Variants in PRKG1 observed in about 807,000 individuals in gnomAD.
PRKG1 encodes cGMP-dependent protein kinase 1.
Under a neutral mutation model 88.1 loss-of-function variants are expected in PRKG1, and 35 were observed. The observed-to-expected ratio is 0.40, with a 90% CI of 0.30 to 0.53. The LOEUF is 0.53. Ranked by LOEUF, PRKG1 falls within the 20% of genes least tolerant of loss-of-function variation. The pLI, the probability that PRKG1 is intolerant of heterozygous loss-of-function variation, is 0.59. For missense variants in PRKG1, 540 were observed against 839.8 expected (o/e 0.64, Z 4.41); for synonymous variants, 303 against 292.5 (o/e 1.04, Z -0.37).
At chr10:51,411,942 A>G (rs1396724492) in intron 2 of PRKG1, among the ~76,000 whole-genome samples, 1 of 152,134 alleles carries the variant, frequency 6.6e-6, no homozygotes, top group East Asian at 1.9e-4. Context: ...AAATAAAACC[A>G]TAGCATGAGG....
chr10:51,891,770 C>G (rs1026209543), intron 4 of PRKG1, among the ~76,000 whole-genome samples: 2 of 152,148 alleles, frequency 1.3e-5, no homozygotes, highest in Non-Finnish European at 2.9e-5. Flanking sequence ...GATAATACAC[C>G]AGCAAGCATG....
At chr10:51,442,504 A>C (rs959265353) in intron 2 of PRKG1, among the ~76,000 whole-genome samples, 1 of 152,038 alleles carries the variant, frequency 6.6e-6, no homozygotes, top group African/African-American at 2.4e-5. Flanking sequence ...GTTCTTATAC[A>C]ACAAATGTGA....
At chr10:51,042,478 A>G (rs549652686) in intron 1 of PRKG1, among the ~76,000 whole-genome samples, 32 of 152,314 alleles carry the variant, frequency 2.1e-4, no homozygotes, top group African/African-American at 7.5e-4. Flanking sequence ...ATTTCTCTGA[A>G]TGAGCCATAC....
intron 12 of PRKG1, among the ~76,000 whole-genome samples, chr10:52,274,252 G>A (rs1841810062): frequency 6.6e-6 from 1 of 152,122 alleles, no homozygotes; most frequent in Non-Finnish European, 1.5e-5. Context: ...CACCATATTT[G>A]TAGTCTTCTA....
chr10:51,450,796 G>T (rs1449553812), intron 2 of PRKG1, among the ~76,000 whole-genome samples: 1 of 151,544 alleles, frequency 6.6e-6, no homozygotes, highest in East Asian at 1.9e-4. Flanking sequence ...TGTAGAGAAG[G>T]AAGGCTGGAA....
chr10:51,794,558 A>G (rs1035830341), intron 3 of PRKG1, among the ~76,000 whole-genome samples: 1 of 152,104 alleles, frequency 6.6e-6, no homozygotes, highest in Admixed American at 6.6e-5. Context: ...TTATTAATAT[A>G]TTGTATATAT....
chr10:51,517,600 A>T (rs1391446279), intron 3 of PRKG1, among the ~76,000 whole-genome samples: 1 of 152,254 alleles, frequency 6.6e-6, no homozygotes, highest in African/African-American at 2.4e-5. Context: ...TGTCTTCGTG[A>T]ACATGCAAAT....
intron 2 of PRKG1, among the ~76,000 whole-genome samples, chr10:51,196,080 A>T (rs1171119423): frequency 6.6e-6 from 1 of 152,194 alleles, no homozygotes; most frequent in Admixed American, 6.5e-5. Context: ...CCTTGCTATA[A>T]TTATGGTCAA....
chr10:52,166,829 G>GTATATATATGTA (rs1838474560), intron 9 of PRKG1, among the ~76,000 whole-genome samples: 3 of 5,580 alleles, frequency 5.4e-4, no homozygotes, highest in Admixed American at 2.6e-3. Context: ...GTATATATAT[G>GTATATATATGTA]TATATATATG....
chr10:52,137,598 A>G (rs1231518394), intron 8 of PRKG1, among the ~76,000 whole-genome samples: 1 of 152,162 alleles, frequency 6.6e-6, no homozygotes, highest in East Asian at 1.9e-4. Flanking sequence ...ATTTGCATAT[A>G]ACCTATGCAT....
chr10:51,933,440 C>T (rs142085033), intron 5 of PRKG1, among the ~76,000 whole-genome samples: 5 of 152,016 alleles, frequency 3.3e-5, no homozygotes, highest in East Asian at 1.9e-4. Flanking sequence ...TTTTTATAAC[C>T]GATAATTTCA....
chr10:51,797,642 T>A (rs1839051990), intron 3 of PRKG1, among the ~76,000 whole-genome samples: 1 of 149,352 alleles, frequency 6.7e-6, no homozygotes, highest in Non-Finnish European at 1.5e-5. Flanking sequence ...CTTTTATTTT[T>A]TATATATATC....
intron 4 of PRKG1, among the ~76,000 whole-genome samples, chr10:51,886,205 T>C (rs984531621): frequency 7.9e-5 from 12 of 152,202 alleles, no homozygotes; most frequent in African/African-American, 2.9e-4. Flanking sequence ...GTAAGGATAC[T>C]TAATATGTAT....
chr10:51,628,122 C>CTCTTTCTTTCTTTCTTTCTTTCTT (rs11269617), intron 3 of PRKG1, among the ~76,000 whole-genome samples: 1 of 116,826 alleles, frequency 8.6e-6, no homozygotes, highest in Non-Finnish European at 1.7e-5. Flanking sequence ...TTCTTTATTT[C>CTCTTTCTTTCTTTCTTTCTTTCTT]TCTTTCTTTC....
intron 2 of PRKG1, among the ~76,000 whole-genome samples, chr10:51,447,618 C>G (rs1253291101): frequency 1.1e-5 from 1 of 90,840 alleles, no homozygotes; most frequent in African/African-American, 7.2e-5. Context: ...CCCACCATTT[C>G]CATTTCTCTC....
intron 4 of PRKG1, among the ~76,000 whole-genome samples, chr10:51,881,875 T>A (rs1197236042): frequency 6.6e-6 from 1 of 152,210 alleles, no homozygotes; most frequent in Non-Finnish European, 1.5e-5. Context: ...TTAAGTTAGA[T>A]GCATCACAGA....
intron 5 of PRKG1, among the ~76,000 whole-genome samples, chr10:51,920,391 C>T (rs577625131): frequency 2.2e-4 from 34 of 152,120 alleles, no homozygotes; most frequent in Non-Finnish European, 4.6e-4. Flanking sequence ...GTTCACTCCA[C>T]AAGGATGTGA....
chr10:51,166,977 A>T (rs565379714), intron 2 of PRKG1, among the ~76,000 whole-genome samples: 1 of 152,198 alleles, frequency 6.6e-6, no homozygotes, highest in Middle Eastern at 3.2e-3. Context: ...ATTATTTATT[A>T]GTTCTTACAT....
At chr10:51,468,410 C>T (rs1393952192) in intron 3 of PRKG1, among the ~76,000 whole-genome samples, 1 of 151,780 alleles carries the variant, frequency 6.6e-6, no homozygotes, top group African/African-American at 2.4e-5. Flanking sequence ...TAAATCAGGG[C>T]AATAAAGCAG....
Sources: allele counts gnomAD v4.1 joint callset (sites outside exome capture counted in the v4.1 genomes callset), GRCh38; gene constraint gnomAD v4.1.1; transcripts MANE v1.5; gene names NCBI Gene and HGNC (gene_info 2026-07-23, HGNC 2026-07-21).